The following ESRRG variants were observed in gnomAD, a reference collection of about 807,000 sequenced individuals.
ESRRG encodes estrogen related receptor gamma.
A neutral mutation model predicts 44.0 loss-of-function variants in ESRRG; 13 were observed. The observed-to-expected ratio is 0.30, with a 90% CI of 0.19 to 0.47. The LOEUF (loss-of-function observed/expected upper bound fraction) is 0.47. ESRRG is among the 20% of genes least tolerant of loss of function. The pLI is 1.00. For missense variants in ESRRG, 395 were observed against 580.6 expected (o/e 0.68, Z 3.29); for synonymous variants, 215 against 214.6 (o/e 1.00, Z -0.02).
intron 1 of ESRRG, among the ~76,000 whole-genome samples, chr1:216,709,343 G>GTATATATATATATATATATATATA (rs71163761): frequency 6.9e-6 from 1 of 145,368 alleles, no homozygotes; most frequent in African/African-American, 2.6e-5. Context: ...GTGTGTGTGT[G>GTATATATATATATATATATATATA]TATATATATA....
At chr1:216,635,882 C>T (rs2065200220) in intron 3 of ESRRG, among the ~76,000 whole-genome samples, 1 of 152,114 alleles carries the variant, frequency 6.6e-6, no homozygotes, top group Admixed American at 6.6e-5. Flanking sequence ...CATTTGAGAC[C>T]AAGCAGAACC....
chr1:217,089,834 G>T (rs1580542500), upstream of ESRRG, among the ~76,000 whole-genome samples: 1 of 152,136 alleles, frequency 6.6e-6, no homozygotes, highest in African/African-American at 2.4e-5. Flanking sequence ...TAGCCGGAGC[G>T]CCAAGGCGCC....
intron 1 of ESRRG, among the ~76,000 whole-genome samples, chr1:217,109,459 C>T (rs939040553): frequency 6.6e-6 from 1 of 152,144 alleles, no homozygotes; most frequent in African/African-American, 2.4e-5. Flanking sequence ...AATGCATTCC[C>T]ATGTGTTTGC....
At chr1:216,792,798 A>T (rs6674031) in intron 2 of ESRRG, among the ~76,000 whole-genome samples, 2,638 of 152,268 alleles carry the variant, frequency 0.017, 83 homozygotes, top group African/African-American at 0.059. Context: ...AAAATTGCTT[A>T]GCTACAGTTG....
At chr1:216,580,743 A>C (rs1343845407) in intron 3 of ESRRG, among the ~76,000 whole-genome samples, 1 of 152,224 alleles carries the variant, frequency 6.6e-6, no homozygotes, top group Non-Finnish European at 1.5e-5. Context: ...ATTGACCCAC[A>C]GATTCAGAGT....
intron 2 of ESRRG, among the ~76,000 whole-genome samples, chr1:216,783,443 A>AT: frequency 6.6e-6 from 1 of 152,098 alleles, no homozygotes; most frequent in Non-Finnish European, 1.5e-5. Context: ...TACAGTTTCA[A>AT]TTTTTTTATC....
intron 3 of ESRRG, among the ~76,000 whole-genome samples, chr1:216,638,205 T>C (rs1185506408): frequency 6.6e-6 from 1 of 152,194 alleles, no homozygotes; most frequent in Non-Finnish European, 1.5e-5. Context: ...ATTTACCAGA[T>C]GCTGTACCAA....
At chr1:216,818,365 G>A (rs2095206672) in intron 2 of ESRRG, among the ~76,000 whole-genome samples, 1 of 152,172 alleles carries the variant, frequency 6.6e-6, no homozygotes, top group Non-Finnish European at 1.5e-5. Context: ...TGCCTATCAG[G>A]CATTATTCAA....
intron 1 of ESRRG, among the ~76,000 whole-genome samples, chr1:217,026,858 C>T (rs1032472481): frequency 2.7e-5 from 4 of 150,554 alleles, no homozygotes; most frequent in Non-Finnish European, 5.9e-5. Flanking sequence ...GAGAACCCCA[C>T]CCCCGACCAC....
chr1:216,672,894 G>C (rs1202139150), intron 2 of ESRRG, among the ~76,000 whole-genome samples: 1 of 152,078 alleles, frequency 6.6e-6, no homozygotes, highest in Admixed American at 6.5e-5. Context: ...ATATTAAAAA[G>C]GAAAGATCTT....
intron 5 of ESRRG, among the ~76,000 whole-genome samples, chr1:216,543,781 A>C (rs1257345945): frequency 2.6e-5 from 4 of 152,060 alleles, no homozygotes; most frequent in Non-Finnish European, 5.9e-5. Context: ...GATAATGACA[A>C]GTAGAAGTTA....
chr1:217,090,415 T>C (rs1446108906), upstream of ESRRG: 2 of 151,966 alleles, frequency 1.3e-5, no homozygotes, highest in Admixed American at 6.6e-5. Context: ...GAAAAACCAT[T>C]TTCCCTTCTA....
chr1:216,545,230 G>GTTT lies in ESRRG; in HGVS notation c.862+18986_862+18988dup, dbSNP rs5780892. 1.5e-3 allele frequency among the ~76,000 whole-genome samples: 211 copies of GTTT among 139,646 alleles called. 1 individual carries two copies. Among genetic ancestry groups the GTTT allele is most frequent in the African/African-American group, 5.2e-3 (198 of 37,986 alleles). The allele number at this position is 139,646 out of a possible 152,430, so 91.6% of individuals were successfully genotyped here. On this transcript the variant is annotated intron_variant, in intron 5 of 6. Coordinates refer to ENST00000408911, the MANE Select transcript of ESRRG (RefSeq NM_001438.4). ...GCCTAGCTAATTTTTTAATTTTTAT[G>GTTT]TTTTTTTTTTTTTTTAAAGACAGGA... is the stretch of plus-strand genomic sequence containing the variant.
At chr1:216,625,672 G>T (rs1217261487) in intron 3 of ESRRG, among the ~76,000 whole-genome samples, 1 of 152,150 alleles carries the variant, frequency 6.6e-6, no homozygotes, top group Non-Finnish European at 1.5e-5. Context: ...GCTCAGGCAA[G>T]CCTTTTAACT....
At chr1:217,007,125 TACTC>T (rs1441924414) in intron 1 of ESRRG, among the ~76,000 whole-genome samples, 5 of 152,128 alleles carry the variant, frequency 3.3e-5, no homozygotes, top group Non-Finnish European at 7.4e-5. Flanking sequence ...ATTTACAGGA[TACTC>T]ACAATGAGAG....
chr1:216,597,358 T>C (rs1484164417), intron 3 of ESRRG, among the ~76,000 whole-genome samples: 4 of 152,062 alleles, frequency 2.6e-5, no homozygotes, highest in African/African-American at 2.4e-5. Context: ...AAAACTGAAC[T>C]CTTTCTGGAG....
intron 2 of ESRRG, among the ~76,000 whole-genome samples, chr1:216,736,176 ATTT>A (rs34469625): frequency 0.071 from 5,820 of 82,410 alleles, 90 homozygotes; most frequent in Middle Eastern, 0.11. Context: ...GTTAAGGACT[ATTT>A]TTTTTTTTTT....
chr1:217,069,241 C>T (rs2090219903), intron 1 of ESRRG, among the ~76,000 whole-genome samples: 1 of 152,146 alleles, frequency 6.6e-6, no homozygotes, highest in Admixed American at 6.5e-5. Context: ...GTGGTGGATC[C>T]TTCCTGCCCT....
chr1:217,017,102 C>T (rs971326726), intron 1 of ESRRG, among the ~76,000 whole-genome samples: 2 of 152,082 alleles, frequency 1.3e-5, no homozygotes, highest in Non-Finnish European at 2.9e-5. Flanking sequence ...GAATGCTCTG[C>T]TATGATATAC....
Sources: gnomAD v4.1 joint callset for allele counts (sites outside exome capture counted in the v4.1 genomes callset) on GRCh38, gnomAD v4.1.1 for gene constraint, MANE v1.5 for transcripts, NCBI Gene and HGNC (gene_info 2026-07-23, HGNC 2026-07-21) for gene names.